The following GIGYF2 variants were observed in gnomAD, a reference collection of about 807,000 sequenced individuals.
GIGYF2 encodes the protein GRB10-interacting GYF protein 2.
Under a neutral mutation model 208.1 loss-of-function variants are expected in GIGYF2, and 25 were observed. That is an observed-to-expected ratio of 0.12 (90% CI 0.09 to 0.17). GIGYF2 has a LOEUF of 0.17. Ranked by LOEUF, GIGYF2 falls within the 10% of genes least tolerant of loss-of-function variation. The pLI is 1.00. For missense variants in GIGYF2, 1,302 were observed against 1,579.4 expected, an observed-to-expected ratio of 0.82 and a Z score of 2.98; for synonymous variants, 534 against 543.8, an observed-to-expected ratio of 0.98 and a Z score of 0.25.
chr2:232,844,605 C>CTTGG, intron 25 of GIGYF2, 31 bp downstream of exon 25: 1 of 1,495,580 alleles, frequency 6.7e-7, no homozygotes, highest in East Asian at 2.3e-5. Flanking sequence ...ACCTATGCAC[C>CTTGG]TTGGTTGGTT....
chr2:232,830,840 C>G (rs549864916), intron 21 of GIGYF2, among the ~76,000 whole-genome samples: 109 of 152,068 alleles, frequency 7.2e-4, no homozygotes, highest in Non-Finnish European at 1.4e-3. Flanking sequence ...ATGATAATAA[C>G]TTGTAAAAAA....
At chr2:232,732,657 T>C (rs961470424) in intron 2 of GIGYF2, among the ~76,000 whole-genome samples, 4 of 151,532 alleles carry the variant, frequency 2.6e-5, no homozygotes, top group Admixed American at 2.6e-4. Context: ...TTTTTTTTAA[T>C]TGAGACAAGG....
At chr2:232,849,948 A>T (rs1440818695) in intron 27 of GIGYF2, among the ~76,000 whole-genome samples, 1 of 152,116 alleles carries the variant, frequency 6.6e-6, no homozygotes, top group Non-Finnish European at 1.5e-5. Flanking sequence ...TGCAGTATTC[A>T]TTTCCTAGCA....
chr2:232,735,138 A>T lies in GIGYF2; in HGVS notation c.-43-17A>T. Reference sequence around the variant, plus strand: ...TAATCTCAACTAATAGTATGGAGATATTTTTCTCGTTAACAGGTTTCTTCA... The same window carrying T: ...TAATCTCAACTAATAGTATGGAGATTTTTTTCTCGTTAACAGGTTTCTTCA... On this transcript the variant is annotated splice_polypyrimidine_tract_variant and intron_variant, in intron 2 of 28. Coordinates refer to ENST00000373563, the MANE Select transcript of GIGYF2 (RefSeq NM_001103146.3). The T allele has an allele frequency of 9.0e-7, 1 of 1,116,138 alleles. No homozygotes were observed. Among genetic ancestry groups the T allele is most frequent in the South Asian group, 1.3e-5 (1 of 78,396 alleles). The allele number at this position is 1,116,138 out of a possible 1,614,324, so 69.1% of individuals were successfully genotyped here.
intron 14 of GIGYF2, among the ~76,000 whole-genome samples, chr2:232,800,364 C>T (rs1700358569): frequency 6.6e-6 from 1 of 152,066 alleles, no homozygotes; most frequent in Non-Finnish European, 1.5e-5. Flanking sequence ...TTTCCAAATA[C>T]CGTTTGTTAA....
chr2:232,852,203 G>A (rs192026934), intron 28 of GIGYF2, among the ~76,000 whole-genome samples: 1 of 152,292 alleles, frequency 6.6e-6, no homozygotes, highest in Admixed American at 6.5e-5. Context: ...TCCAGCCCTG[G>A]TGAAAACAAC....
At position 232,801,392 on chromosome 2, in the gene GIGYF2, G is replaced by A. The variant is rs567037845; in HGVS notation, c.1640-5099G>A. ...AATAATAAAAAAGCCAGGCATGGTG[G>A]TATGCACCTGTAGTCCCAGCTACTT... On this transcript the variant is annotated intron_variant, in intron 14 of 28. Coordinates refer to ENST00000373563, the MANE Select transcript of GIGYF2 (RefSeq NM_001103146.3). 6.6e-5 allele frequency among the ~76,000 whole-genome samples: 10 copies of A among 152,246 alleles called. No individual in the cohort carries two copies. In the South Asian group the frequency reaches 2.1e-3, roughly 32 times the overall value.
At chr2:232,753,138 TATTG>T (rs1253072979) in intron 5 of GIGYF2, among the ~76,000 whole-genome samples, 2 of 147,694 alleles carry the variant, frequency 1.4e-5, no homozygotes, top group South Asian at 4.3e-4. Flanking sequence ...TTTATTTATT[TATTG>T]AGACAGAATC....
chr2:232,753,860 A>G (rs995607712), intron 5 of GIGYF2, among the ~76,000 whole-genome samples: 2 of 152,030 alleles, frequency 1.3e-5, no homozygotes, highest in Non-Finnish European at 2.9e-5. Context: ...TTATCACATG[A>G]TTCTGCCTAA....
chr2:232,761,413 A>G lies in GIGYF2; in HGVS notation c.509A>G (p.Glu170Gly). 1 of 1,604,930 alleles carries G rather than the reference A, an allele frequency of 6.2e-7. No individual in the cohort carries two copies. The highest frequency in any genetic ancestry group is 8.5e-7 in the Non-Finnish European group (1 of 1,171,828). ...SWEERGDRRF[E>G]KPGRKDVGRP... ...TTTTCCAGGGGTGACAGACGTTTTGAAAAACCAGGACGAAAAGATGTAGGT... is the reference window on the plus strand; with the variant it reads ...TTTTCCAGGGGTGACAGACGTTTTGGAAAACCAGGACGAAAAGATGTAGGT... The change falls in exon 8 of 29, where the codon GAA becomes GGA. Residue 170 changes from glutamate to glycine, a missense_variant. Coordinates refer to ENST00000373563, the MANE Select transcript of GIGYF2 (RefSeq NM_001103146.3).
intron 16 of GIGYF2, 37 bp from the exon 17 acceptor site, chr2:232,811,207 G>A: frequency 9.0e-7 from 1 of 1,113,752 alleles, no homozygotes. Context: ...ACTAAGTGTG[G>A]ATTGACAGGT....
intron 14 of GIGYF2, among the ~76,000 whole-genome samples, chr2:232,799,335 G>A (rs1483799684): frequency 2.0e-5 from 3 of 151,710 alleles, no homozygotes; most frequent in East Asian, 3.9e-4. Flanking sequence ...CTTGAGCCCA[G>A]GAGTTTGAGA....
At chr2:232,715,287 T>C (rs1347218019) in intron 2 of GIGYF2, among the ~76,000 whole-genome samples, 3 of 152,188 alleles carry the variant, frequency 2.0e-5, no homozygotes, top group African/African-American at 4.8e-5. Context: ...TTGTCCTCAG[T>C]TTTGGGCTAT....
intron 14 of GIGYF2, among the ~76,000 whole-genome samples, chr2:232,799,638 C>G (rs930214513): frequency 1.3e-5 from 2 of 151,814 alleles, no homozygotes; most frequent in African/African-American, 4.8e-5. Flanking sequence ...GTTTTCAATC[C>G]TTTTGGGTAT....
chr2:232,755,848 C>A (rs1698514458), intron 5 of GIGYF2, among the ~76,000 whole-genome samples: 1 of 152,174 alleles, frequency 6.6e-6, no homozygotes, highest in Non-Finnish European at 1.5e-5. Flanking sequence ...TAAAGGCTTA[C>A]AGGACCCTTT....
chr2:232,734,289 G>C, intron 2 of GIGYF2: 1 of 151,694 alleles, frequency 6.6e-6, no homozygotes, highest in East Asian at 1.9e-4. Context: ...TGCAGTGGCA[G>C]GACCACAACT....
At position 232,836,737 on chromosome 2, in the gene GIGYF2, C is replaced by G. The variant is rs544869776; in HGVS notation, c.2767-3112C>G. On this transcript the variant is annotated intron_variant, in intron 22 of 28. Coordinates refer to ENST00000373563, the MANE Select transcript of GIGYF2 (RefSeq NM_001103146.3). ...CTAGTTTTCTCAGATAAGGTAGCAGCCTCCTACAGTTTAGCCTGTATCTCC... is the reference window on the plus strand; with the variant it reads ...CTAGTTTTCTCAGATAAGGTAGCAGGCTCCTACAGTTTAGCCTGTATCTCC... Among the ~76,000 whole-genome samples the G allele has an allele frequency of 2.6e-5, 4 of 152,136 alleles. No homozygotes were observed. In the East Asian group the frequency reaches 7.7e-4, roughly 29 times the overall value.
At chr2:232,834,422 C>T (rs1701517839) in intron 22 of GIGYF2, among the ~76,000 whole-genome samples, 1 of 152,154 alleles carries the variant, frequency 6.6e-6, no homozygotes. Flanking sequence ...AATGTGAGAA[C>T]CACTGTCCAT....
Position 232,768,233 on chromosome 2 carries a change from G to A in GIGYF2, c.532+6797G>A, listed in dbSNP as rs750120231. ...TTTCAGAGATCTGAAAATTGTCAATGCTTTGTCCATTGATGTGGATATCCA... is the reference window on the plus strand; with the variant it reads ...TTTCAGAGATCTGAAAATTGTCAATACTTTGTCCATTGATGTGGATATCCA... On this transcript the variant is annotated intron_variant, in intron 8 of 28. Transcript: ENST00000373563. 1.2e-6 allele frequency: 2 copies of A among 1,614,102 alleles called. No individual in the cohort carries two copies. The highest frequency in any genetic ancestry group is 1.7e-6 in the Non-Finnish European group (2 of 1,179,976).
Sources: allele counts gnomAD v4.1 joint callset (sites outside exome capture counted in the v4.1 genomes callset), GRCh38; gene constraint gnomAD v4.1.1; transcripts MANE v1.5; gene names NCBI Gene and HGNC (gene_info 2026-07-23, HGNC 2026-07-21).